The following TNK2 variants were observed in gnomAD, a reference collection of about 807,000 sequenced individuals.
The protein encoded by TNK2 is tyrosine kinase non receptor 2.
In TNK2, 83 loss-of-function variants were observed where a neutral mutation model predicts 101.8. The ratio of observed to expected loss-of-function variants is 0.82; its 90% CI spans 0.68 to 0.98. The LOEUF (loss-of-function observed/expected upper bound fraction) is 0.98, where lower values mean the gene tolerates loss of function less well. Among genes scored for constraint, TNK2 ranks in the 50% least tolerant of loss-of-function variants. The pLI, the probability that TNK2 is intolerant of heterozygous loss-of-function variation, is 0.00. For missense variants in TNK2, 1,665 were observed against 1,483.2 expected (o/e 1.12, Z -2.01); for synonymous variants, 804 against 633.0 (o/e 1.27, Z -4.06).
intron 1 of TNK2, among the ~76,000 whole-genome samples, chr3:195,893,690 C>G (rs1759497872): frequency 6.6e-6 from 1 of 152,034 alleles, no homozygotes; most frequent in Non-Finnish European, 1.5e-5. Flanking sequence ...GAAGCCCTCT[C>G]CAGCTCCCCA....
rs560887905 is a variant in TNK2 at position 195,869,515 on chromosome 3, G to A, written c.1570C>T (p.Pro524Ser). 1 of 1,550,940 alleles carries A rather than the reference G, an allele frequency of 6.4e-7. No homozygotes were observed. Among genetic ancestry groups the A allele is most frequent in the Non-Finnish European group, 8.7e-7 (1 of 1,146,990 alleles). ...KREPPPRPPQ[P>S]AFFTQKPTYD... is the part of the protein sequence containing the mutation. Reference sequence around the variant, plus strand: ...CACTTACTCTGAGTGAAGAAGGCAGGCTGAGGTGGGCGAGGTGGAGGCTCC... The same window carrying A: ...CACTTACTCTGAGTGAAGAAGGCAGACTGAGGTGGGCGAGGTGGAGGCTCC... The change falls in exon 12 of 16, where the codon CCT becomes TCT. Residue 524 changes from proline to serine, a missense_variant. Around this residue, in one of 3 missense-constraint regions of TNK2, gnomAD observed 1,136 missense variants for 894.9 expected, o/e 1.27. Coordinates refer to ENST00000672887, the MANE Select transcript of TNK2 (RefSeq NM_001382273.1).
Position 195,892,347 on chromosome 3 carries a change from G to A in TNK2, c.-18-3741C>T, listed in dbSNP as rs1199128086. On this transcript the variant is annotated intron_variant, in intron 1 of 15. Coordinates refer to ENST00000672887, the MANE Select transcript of TNK2 (RefSeq NM_001382273.1). ...TCCCAGTCTTGCTTTCTGCCTCTCA[G>A]TCAAGTGCTGGTGCTGAGGAGCCCA... 6 of 1,428,256 alleles carry A rather than the reference G, an allele frequency of 4.2e-6. 1 individual carries two copies. The highest frequency in any genetic ancestry group is 5.6e-6 in the Non-Finnish European group (6 of 1,072,568). The allele number at this position is 1,428,256 out of a possible 1,614,324, so 88.5% of individuals were successfully genotyped here.
chr3:195,884,702 A>T, intron 4 of TNK2, 110 bp downstream of exon 4: 2 of 986,426 alleles, frequency 2.0e-6, no homozygotes, highest in Non-Finnish European at 3.0e-6. Flanking sequence ...GGGATGAGCC[A>T]CACTGTGACG....
chr3:195,898,477 G>A (rs575282321), intron 1 of TNK2, among the ~76,000 whole-genome samples: 4 of 152,104 alleles, frequency 2.6e-5, no homozygotes, highest in African/African-American at 7.2e-5. Flanking sequence ...CTCAGTCCTC[G>A]AGGGCCCAAT....
chr3:195,906,006 G>A (rs1422261469), intron 1 of TNK2, among the ~76,000 whole-genome samples: 8 of 152,110 alleles, frequency 5.3e-5, no homozygotes, highest in Non-Finnish European at 1.2e-4. Context: ...AATTAAAAAT[G>A]GGCAAACGAT....
In TNK2 at chr3:195,868,397, G is replaced by A. The variant is rs765049741; in HGVS notation, c.1901C>T (p.Thr634Met). 1.6e-5 allele frequency: 26 copies of A among 1,587,338 alleles called. No individual in the cohort carries two copies. The highest frequency in any genetic ancestry group is 9.4e-5 in the African/African-American group (7 of 74,640). The change falls in exon 13 of 16, where the codon ACG (threonine) becomes ATG (methionine). Residue 634 changes from threonine to methionine, a missense_variant. Physicochemically the swap from Thr to Met is moderately conservative, Grantham distance 81. Coordinates refer to ENST00000672887, the MANE Select transcript of TNK2 (RefSeq NM_001382273.1). Reference protein sequence around the residue: ...TRALPRPLHPTPVVDWDARPL... With the variant: ...TRALPRPLHPMPVVDWDARPL... ...GCGTGCGTCCCAGTCCACCACAGGC[G>A]TGGGGTGCAGGGGCCGGGGCAGTGC...
Position 195,885,115 on chromosome 3 carries a change from G to A in TNK2, c.235-82C>T. 13 of 1,383,764 alleles carry A rather than the reference G, an allele frequency of 9.4e-6. No individual in the cohort carries two copies. Among genetic ancestry groups the A allele is most frequent in the Non-Finnish European group, 1.3e-5 (13 of 1,025,280 alleles). 85.7% of individuals were successfully genotyped at this position (1,383,764 alleles called of 1,614,324 possible). ...AGTCCCACCCCGCTGGGTCCACCTG[G>A]TGATCCCCGGCTTCGGCTTCCAGAT... is the stretch of plus-strand genomic sequence containing the variant. On this transcript the variant is annotated intron_variant, in intron 3 of 15. Transcript: ENST00000672887. This position sits in a 1 kb window ranked among gnomAD's most constrained non-coding sequence, Gnocchi z 4.7.
chr3:195,901,717 A>C (rs1761226899), intron 1 of TNK2, among the ~76,000 whole-genome samples: 1 of 152,180 alleles, frequency 6.6e-6, no homozygotes, highest in African/African-American at 2.4e-5. Flanking sequence ...GCTGACCAAA[A>C]ACCTGCCTTA....
chr3:195,883,375 C>CT, intron 4 of TNK2, 66 bp from the exon 5 acceptor site: 3 of 1,585,368 alleles, frequency 1.9e-6, no homozygotes, highest in Non-Finnish European at 2.6e-6. Flanking sequence ...AGCCAACCTG[C>CT]TCCACCCTCC....
chr3:195,906,374 G>A (rs960782078), intron 1 of TNK2, among the ~76,000 whole-genome samples: 1 of 152,132 alleles, frequency 6.6e-6, no homozygotes, highest in Non-Finnish European at 1.5e-5. Flanking sequence ...TAACAAACAC[G>A]TTCACAGCAG....
chr3:195,897,002 A>G (rs1462873162), intron 1 of TNK2, among the ~76,000 whole-genome samples: 2 of 151,526 alleles, frequency 1.3e-5, no homozygotes, highest in African/African-American at 4.9e-5. Flanking sequence ...TGCCAACCCT[A>G]CCTCCCAGCC....
At chr3:195,869,953 C>G in intron 11 of TNK2, 161 bp downstream of exon 11, 2 of 619,556 alleles carry the variant, frequency 3.2e-6, no homozygotes, top group Non-Finnish European at 5.6e-6. Context: ...CTGTCTTCCA[C>G]CCCACGCCCA....
chr3:195,869,847 T>C, intron 11 of TNK2: 1 of 554,682 alleles, frequency 1.8e-6, no homozygotes, highest in Middle Eastern at 4.8e-4. Flanking sequence ...AGCCAGGATC[T>C]GAGCTCGGCC....
rs530404287 is a variant in TNK2, at chr3:195,877,449, G to A, written c.1256+804C>T. Among the ~76,000 whole-genome samples, 239 of 152,316 alleles carry A rather than the reference G, an allele frequency of 1.6e-3. 2 individuals carry two copies. The highest frequency in any genetic ancestry group is 5.1e-3 in the African/African-American group (214 of 41,562). On this transcript the variant is annotated intron_variant, in intron 9 of 15. Transcript: ENST00000672887. ...AAAAGCTGCAGTGCAGGTGGAAGAG[G>A]CTCCCTGGGAAGCAGCCCTAGCCCC...
At chr3:195,890,833 G>A (rs1560534097) in intron 1 of TNK2, among the ~76,000 whole-genome samples, 2 of 152,180 alleles carry the variant, frequency 1.3e-5, no homozygotes, top group Non-Finnish European at 2.9e-5. Flanking sequence ...TCCACTATTT[G>A]CAAAAATGTC....
chr3:195,870,223 G>A lies in TNK2; in HGVS notation c.1452-18C>T, dbSNP rs1322775188. On this transcript the variant is annotated intron_variant, in intron 10 of 15. Coordinates refer to ENST00000672887, the MANE Select transcript of TNK2 (RefSeq NM_001382273.1). The stretch of plus-strand genomic sequence containing the variant: ...GATACAGTCTGTGGGGGAGAGAGCT[G>A]GGTCAAGAGAGCAGGGGAAGCGTGT... 4 of 1,601,674 alleles carry A rather than the reference G, an allele frequency of 2.5e-6. No individual in the cohort carries two copies. Among genetic ancestry groups the A allele is most frequent in the Non-Finnish European group, 3.4e-6 (4 of 1,173,808 alleles).
At chr3:195,873,380 T>C (rs1273159053) in intron 9 of TNK2, among the ~76,000 whole-genome samples, 1 of 152,066 alleles carries the variant, frequency 6.6e-6, no homozygotes, top group African/African-American at 2.4e-5. Flanking sequence ...CGTCTGCTGC[T>C]GGACTTGTCA....
intron 1 of TNK2, among the ~76,000 whole-genome samples, chr3:195,905,929 C>T (rs1761665170): frequency 6.6e-6 from 1 of 152,116 alleles, no homozygotes; most frequent in African/African-American, 2.4e-5. Flanking sequence ...AATCACATAC[C>T]TGATAAAAGG....
rs1178986949 is a variant in TNK2 at position 195,892,373 on chromosome 3, A to G, written c.-18-3767T>C. On this transcript the variant is annotated intron_variant, in intron 1 of 15. Transcript: ENST00000672887. Reference sequence around the variant, plus strand: ...TCAAGTGCTGGTGCTGAGGAGCCCAACCAGTCCCCAGCAGTCCAGCCCCTG... The same window carrying G: ...TCAAGTGCTGGTGCTGAGGAGCCCAGCCAGTCCCCAGCAGTCCAGCCCCTG... The G allele has an allele frequency of 6.0e-6, 9 of 1,503,548 alleles. No individual in the cohort carries two copies. The African/African-American group carries it at 6.9e-5, about 12-fold the overall frequency. 93.1% of individuals were successfully genotyped at this position (1,503,548 alleles called of 1,614,324 possible). A position where few individuals can be genotyped will look rare whatever the true frequency, so the allele number is the denominator to read the frequency against.
Sources: gnomAD v4.1 joint callset for allele counts (sites outside exome capture counted in the v4.1 genomes callset) on GRCh38, gnomAD v4.1.1 for gene constraint, gnomAD v4.1.1 regional missense constraint, Gnocchi (gnomAD v3.1) non-coding constraint, MANE v1.5 for transcripts, NCBI Gene and HGNC (gene_info 2026-07-23, HGNC 2026-07-21) for gene names.